KCND2: variants seen among roughly 807,000 people sequenced by gnomAD.
KCND2 encodes the protein A-type voltage-gated potassium channel KCND2.
In KCND2, 16 loss-of-function variants were observed where a neutral mutation model predicts 54.4. The ratio of observed to expected loss-of-function variants is 0.29; its 90% CI spans 0.20 to 0.45. The LOEUF is 0.45. Among genes scored for constraint, KCND2 ranks in the 20% least tolerant of loss-of-function variants. The pLI is 1.00. For missense variants in KCND2, 486 were observed against 824.2 expected, an observed-to-expected ratio of 0.59 and a Z score of 5.02; for synonymous variants, 317 against 310.7, an observed-to-expected ratio of 1.02 and a Z score of -0.21.
chr7:120,699,820 T>TA (rs1554388460), intron 1 of KCND2, among the ~76,000 whole-genome samples: 1 of 152,184 alleles, frequency 6.6e-6, no homozygotes, highest in Non-Finnish European at 1.5e-5. Context: ...AGTATAGAAA[T>TA]ACAACTGTCA....
At position 120,523,708 on chromosome 7, in the gene KCND2, G is replaced by GAC. The variant is rs1223405119; in HGVS notation, c.1116-209195_1116-209194insAC. Among the ~76,000 whole-genome samples, 309 of 82,960 alleles carry GAC rather than the reference G, an allele frequency of 3.7e-3. 1 individual carries two copies. The highest frequency in any genetic ancestry group is 0.019 in the African/African-American group (304 of 16,298). 54.4% of individuals were successfully genotyped at this position (82,960 alleles called of 152,430 possible). ...AGATATACACACACACACACTCTGT[G>GAC]TGTGTGTGTGTGTGTGTGTGTGTGT... On this transcript the variant is annotated intron_variant, in intron 1 of 5. Coordinates refer to ENST00000331113, the MANE Select transcript of KCND2 (RefSeq NM_012281.3).
At chr7:120,527,418 A>G (rs956473862) in intron 1 of KCND2, among the ~76,000 whole-genome samples, 1 of 152,132 alleles carries the variant, frequency 6.6e-6, no homozygotes, top group African/African-American at 2.4e-5. Context: ...GGTACACTAC[A>G]TCTCTAGTGA....
intron 1 of KCND2, among the ~76,000 whole-genome samples, chr7:120,427,491 A>G (rs1034841371): frequency 2.0e-5 from 3 of 152,198 alleles, no homozygotes; most frequent in Non-Finnish European, 1.5e-5. Flanking sequence ...GAGGGGAAGA[A>G]TGGCCATAAA....
chr7:120,655,415 T>C (rs971505519), intron 1 of KCND2, among the ~76,000 whole-genome samples: 1 of 152,044 alleles, frequency 6.6e-6, no homozygotes, highest in Admixed American at 6.6e-5. Context: ...TAATTACTCT[T>C]TGGTAAAAAA....
At chr7:120,377,560 C>T (rs1315759009) in intron 1 of KCND2, among the ~76,000 whole-genome samples, 3 of 53,608 alleles carry the variant, frequency 5.6e-5, no homozygotes, top group Non-Finnish European at 1.8e-4. Context: ...TCCCTCACCC[C>T]AAGAAAAAAA....
chr7:120,698,200 A>G (rs1792356554), intron 1 of KCND2, among the ~76,000 whole-genome samples: 1 of 152,016 alleles, frequency 6.6e-6, no homozygotes. Context: ...TTTTTAGTAT[A>G]AATGGGGTTT....
At chr7:120,321,596 T>C (rs1219588689) in intron 1 of KCND2, among the ~76,000 whole-genome samples, 2 of 152,194 alleles carry the variant, frequency 1.3e-5, no homozygotes, top group Admixed American at 1.3e-4. Flanking sequence ...GTGTTTATAC[T>C]TTTAAAATAT....
At chr7:120,635,297 A>T (rs778746811) in intron 1 of KCND2, among the ~76,000 whole-genome samples, 3 of 152,214 alleles carry the variant, frequency 2.0e-5, no homozygotes, top group Non-Finnish European at 4.4e-5. Context: ...CTAAGCATTC[A>T]GTTGTCTGGG....
intron 1 of KCND2, among the ~76,000 whole-genome samples, chr7:120,330,762 A>G (rs987244669): frequency 6.6e-6 from 1 of 152,108 alleles, no homozygotes; most frequent in Admixed American, 6.6e-5. Flanking sequence ...AAATTATAGA[A>G]TAATCTTGAA....
chr7:120,614,511 A>G (rs1223724228), intron 1 of KCND2, among the ~76,000 whole-genome samples: 2 of 152,096 alleles, frequency 1.3e-5, no homozygotes, highest in African/African-American at 2.4e-5. Context: ...GCTTCATTCA[A>G]TTCCTTTGCC....
chr7:120,429,401 T>G (rs1451283878), intron 1 of KCND2, among the ~76,000 whole-genome samples: 1 of 152,172 alleles, frequency 6.6e-6, no homozygotes, highest in Non-Finnish European at 1.5e-5. Flanking sequence ...ATGTCAACCC[T>G]TGAGTACCTG....
chr7:120,711,492 G>A (rs767976098), intron 1 of KCND2, among the ~76,000 whole-genome samples: 10 of 152,066 alleles, frequency 6.6e-5, no homozygotes, highest in Non-Finnish European at 1.3e-4. Flanking sequence ...AGAGGCCCAC[G>A]TTGAAAGATA....
intron 1 of KCND2, among the ~76,000 whole-genome samples, chr7:120,388,828 CATA>C (rs1584758008): frequency 6.6e-6 from 1 of 151,050 alleles, no homozygotes; most frequent in African/African-American, 2.4e-5. Flanking sequence ...ATATGTTATA[CATA>C]ATAACTGAAA....
intron 1 of KCND2, among the ~76,000 whole-genome samples, chr7:120,397,971 A>G (rs1801178779): frequency 2.3e-5 from 2 of 88,582 alleles, no homozygotes; most frequent in Admixed American, 1.3e-4. Context: ...GTGTGTATAT[A>G]AGTGTGTGTG....
Position 120,393,041 on chromosome 7 carries a change from T to A in KCND2, c.1115+117294T>A, listed in dbSNP as rs542398198. ...TGTAATAAGGATGTTTGACACAATG[T>A]GAAAAATAAAAGTTAATAAAATTTG... is the stretch of plus-strand genomic sequence containing the variant. On this transcript the variant is annotated intron_variant, in intron 1 of 5. Coordinates refer to ENST00000331113, the MANE Select transcript of KCND2 (RefSeq NM_012281.3). Among the ~76,000 whole-genome samples the A allele has an allele frequency of 3.8e-4, 58 of 152,156 alleles. 1 individual carries two copies. In the South Asian group the frequency reaches 9.1e-3, roughly 24 times the overall value.
intron 1 of KCND2, among the ~76,000 whole-genome samples, chr7:120,468,863 A>G (rs1442059910): frequency 2.1e-5 from 3 of 145,850 alleles, no homozygotes; most frequent in African/African-American, 8.0e-5. Context: ...GCCCAGCTCC[A>G]AGCTTATTCT....
At chr7:120,433,441 T>C (rs141228028) in intron 1 of KCND2, among the ~76,000 whole-genome samples, 31 of 152,348 alleles carry the variant, frequency 2.0e-4, no homozygotes, top group African/African-American at 7.0e-4. Context: ...CAGATGACTA[T>C]GATCTGGCCA....
chr7:120,379,983 C>T (rs533413252), intron 1 of KCND2, among the ~76,000 whole-genome samples: 2 of 152,084 alleles, frequency 1.3e-5, no homozygotes, highest in South Asian at 4.1e-4. Context: ...TTGTTTGTTA[C>T]TACAGTATAA....
At chr7:120,432,008 C>T (rs1051112828) in intron 1 of KCND2, among the ~76,000 whole-genome samples, 1 of 152,210 alleles carries the variant, frequency 6.6e-6, no homozygotes, top group African/African-American at 2.4e-5. Flanking sequence ...CTGGATGAAT[C>T]TGCATTTAAC....
Sources: gnomAD v4.1 joint callset for allele counts (sites outside exome capture counted in the v4.1 genomes callset) on GRCh38, gnomAD v4.1.1 for gene constraint, MANE v1.5 for transcripts, NCBI Gene and HGNC (gene_info 2026-07-23, HGNC 2026-07-21) for gene names.